FGF5: variants seen among roughly 807,000 people sequenced by gnomAD.
FGF5 encodes the protein heparin-binding growth factor 5.
FGF5 carries 23 observed loss-of-function variants against 21.8 expected under a neutral mutation model. The ratio of observed to expected loss-of-function variants is 1.05; its 90% CI spans 0.76 to 1.49. The LOEUF is 1.49. Ranked by LOEUF, FGF5 falls within the 40% of genes most tolerant of loss-of-function variation. The pLI is 0.00. For missense variants in FGF5, 352 were observed against 332.9 expected (o/e 1.06, Z -0.45); for synonymous variants, 158 against 124.0 (o/e 1.27, Z -1.82).
chr4:80,272,272 T>A (rs1345178927), intron 1 of FGF5, among the ~76,000 whole-genome samples: 1 of 152,216 alleles, frequency 6.6e-6, no homozygotes, highest in Admixed American at 6.5e-5. Context: ...AATCTTTTAA[T>A]TCTCAGGCAC....
At position 80,286,508 on chromosome 4, in the gene FGF5, T is replaced by C. The variant is rs1434316282; in HGVS notation, c.643T>C (p.Phe215Leu). ...TAAACCCCAGCATATCTCTACCCAT[T>C]TTCTGCCAAGATTCAAGCAGTCGGA... ...RVKPQHISTH[F>L]LPRFKQSEQP... The change falls in exon 3 of 3, where the codon TTT becomes CTT. Residue 215 changes from phenylalanine (F) to leucine (L), a missense_variant. Phe to Leu is a conservative substitution (Grantham distance 22, BLOSUM62 0). Transcript: ENST00000312465. 1.2e-6 allele frequency: 2 copies of C among 1,613,948 alleles called. No homozygotes were observed. The highest frequency in any genetic ancestry group is 1.3e-5 in the African/African-American group (1 of 74,990).
chr4:80,266,986 G>T lies in FGF5; in HGVS notation c.162G>T (p.Met54Ile). ...GCAGACAGAGCAGCAGTAGCGCTATGTCTTCCTCTTCTGCCTCCTCCTCCC... is the reference window on the plus strand; with the variant it reads ...GCAGACAGAGCAGCAGTAGCGCTATTTCTTCCTCTTCTGCCTCCTCCTCCC... ...SSSRQSSSSA[M>I]SSSSASSSPA... The change falls in exon 1 of 3, where the codon ATG becomes ATT. Residue 54 changes from methionine (M) to isoleucine (I), a missense_variant. Met to Ile is a conservative substitution (Grantham distance 10). Transcript: ENST00000312465. 6.2e-7 allele frequency: 1 copy of T among 1,614,222 alleles called. No individual in the cohort carries two copies.
intron 1 of FGF5, among the ~76,000 whole-genome samples, chr4:80,270,549 ATAAATCC>A (rs1407402579): frequency 6.6e-6 from 1 of 152,250 alleles, no homozygotes; most frequent in Non-Finnish European, 1.5e-5. Context: ...CTCATTGTAT[ATAAATCC>A]TTATTATGAG....
chr4:80,267,733 G>GTAGATAAATAGATAGA (rs113857771), intron 1 of FGF5, among the ~76,000 whole-genome samples: 2 of 150,952 alleles, frequency 1.3e-5, no homozygotes, highest in African/African-American at 4.9e-5. Flanking sequence ...ATACACATAG[G>GTAGATAAATAGATAGA]TAGATAGATA....
chr4:80,286,871 G>A lies in FGF5; in HGVS notation c.*199G>A. On this transcript the variant is annotated 3_prime_UTR_variant, in exon 3 of 3. Coordinates refer to ENST00000312465, the MANE Select transcript of FGF5 (RefSeq NM_004464.4). ...ACTGGAATTCTTTGTACTAATACAGGGAGCACACTCCTTCAGTTCAGCAAG... is the reference window on the plus strand; with the variant it reads ...ACTGGAATTCTTTGTACTAATACAGAGAGCACACTCCTTCAGTTCAGCAAG... The A allele has an allele frequency of 1.8e-6, 1 of 544,298 alleles. No individual in the cohort carries two copies. Among genetic ancestry groups the A allele is most frequent in the South Asian group, 2.8e-5 (1 of 35,654 alleles). The allele number at this position is 544,298 out of a possible 1,614,324, so 33.7% of individuals were successfully genotyped here.
intron 2 of FGF5, among the ~76,000 whole-genome samples, chr4:80,280,834 G>C (rs1404885116): frequency 3.3e-5 from 5 of 152,050 alleles, no homozygotes; most frequent in African/African-American, 1.2e-4. Context: ...ATGGGATGCT[G>C]GTTAATGATA....
intron 1 of FGF5, 49 bp downstream of exon 1, chr4:80,267,228 A>T (rs376607826): frequency 1.4e-6 from 2 of 1,449,530 alleles, no homozygotes; most frequent in Non-Finnish European, 1.9e-6. Flanking sequence ...GCCGCGGAAG[A>T]TTCGGGAGGG....
Position 80,288,068 on chromosome 4 carries a change from T to C in FGF5, c.*1396T>C, listed in dbSNP as rs1004256873. The C allele has an allele frequency of 1.3e-5, 2 of 152,186 alleles. No individual in the cohort carries two copies. The highest frequency in any genetic ancestry group is 4.8e-5 in the African/African-American group (2 of 41,452). 9.4% of individuals were successfully genotyped at this position (152,186 alleles called of 1,614,324 possible). On this transcript the variant is annotated 3_prime_UTR_variant, in exon 3 of 3. Transcript: ENST00000312465. ...TAAAGTTCTGCAAAATACACGTTTA[T>C]CTTACATTCAGAAATGTGGCAAAAA... is the stretch of plus-strand genomic sequence containing the variant.
chr4:80,286,787 T>C lies in FGF5; in HGVS notation c.*115T>C. 1 of 737,050 alleles carries C rather than the reference T, an allele frequency of 1.4e-6. No homozygotes were observed. The allele number at this position is 737,050 out of a possible 1,614,324, so 45.7% of individuals were successfully genotyped here. The stretch of plus-strand genomic sequence containing the variant: ...AGCTTCAGCTATACTTACACTGTAT[T>C]GAAGTCACGTCATTTGTTTCAATGT... On this transcript the variant is annotated 3_prime_UTR_variant, in exon 3 of 3. Transcript: ENST00000312465.
intron 2 of FGF5, among the ~76,000 whole-genome samples, chr4:80,277,418 ATTAGCACTT>A (rs1000865785): frequency 1.5e-4 from 23 of 152,258 alleles, no homozygotes; most frequent in African/African-American, 4.3e-4. Flanking sequence ...CTGAGCATTT[ATTAGCACTT>A]TTCCTCTAGG....
chr4:80,275,626 C>A (rs17466763), intron 2 of FGF5, among the ~76,000 whole-genome samples: 10,474 of 151,892 alleles, frequency 0.069, 407 homozygotes, highest in Non-Finnish European at 0.083. Flanking sequence ...TTATTCAGAC[C>A]AGTTTTATAT....
In FGF5 at chr4:80,274,387, A is replaced by G. The variant is rs536907516; in HGVS notation, c.356-522A>G. On this transcript the variant is annotated intron_variant, in intron 1 of 2. Transcript: ENST00000312465. ...TTTAAATGCAGTCACTAAAAGACTG[A>G]GTATGGTATATGTTTATTTGTAACT... Among the ~76,000 whole-genome samples, 122 of 152,198 alleles carry G rather than the reference A, an allele frequency of 8.0e-4. 1 individual carries two copies. The Middle Eastern group carries it at 0.035, about 43-fold the overall frequency.
chr4:80,285,922 A>G (rs1365240336), intron 2 of FGF5, among the ~76,000 whole-genome samples: 1 of 152,192 alleles, frequency 6.6e-6, no homozygotes, highest in Non-Finnish European at 1.5e-5. Flanking sequence ...TTACCAGGCA[A>G]TCATTTCTTA....
rs760393582 is a variant in FGF5 at position 80,274,970 on chromosome 4, C to T, written c.417C>T (p.Asn139=). The change falls in exon 2 of 3, where the codon AAC becomes AAT. Residue 139 remains asparagine (N), a synonymous_variant. Transcript: ENST00000312465. Reference sequence around the variant, plus strand: ...TAGGAATACGAGGAGTTTTCAGCAACAAATTTTTAGCGATGTCAAAAAAAG... The same window carrying T: ...TAGGAATACGAGGAGTTTTCAGCAATAAATTTTTAGCGATGTCAAAAAAAG... ...GIVGIRGVFS[N]KFLAMSKKGK... 1 of 1,598,386 alleles carries T rather than the reference C, an allele frequency of 6.3e-7. No homozygotes were observed. Among genetic ancestry groups the T allele is most frequent in the Middle Eastern group, 1.7e-4 (1 of 6,028 alleles).
intron 1 of FGF5, chr4:80,268,146 C>T (rs1012438204): frequency 6.6e-6 from 1 of 152,268 alleles, no homozygotes; most frequent in African/African-American, 2.4e-5. Context: ...TCCACCCCAT[C>T]TATGTTTCCA....
At chr4:80,285,857 A>T (rs1191017466) in intron 2 of FGF5, among the ~76,000 whole-genome samples, 1 of 152,194 alleles carries the variant, frequency 6.6e-6, no homozygotes, top group Non-Finnish European at 1.5e-5. Flanking sequence ...AAAAAATGCA[A>T]GCTTGTTTCA....
rs1017977286 is a variant in FGF5, at chr4:80,290,879, T to G, written c.*4207T>G. The G allele has an allele frequency of 6.6e-6, 1 of 152,234 alleles. No individual in the cohort carries two copies. The highest frequency in any genetic ancestry group is 1.5e-5 in the Non-Finnish European group (1 of 68,046). The allele number at this position is 152,234 out of a possible 1,614,324, so 9.4% of individuals were successfully genotyped here. On this transcript the variant is annotated 3_prime_UTR_variant, in exon 3 of 3. Coordinates refer to ENST00000312465, the MANE Select transcript of FGF5 (RefSeq NM_004464.4). ...CAAAGAACATGAACTCATCATTTTTTATGGCTGCATAGTATTCCATGGTGT... is the reference window on the plus strand; with the variant it reads ...CAAAGAACATGAACTCATCATTTTTGATGGCTGCATAGTATTCCATGGTGT...
At chr4:80,284,820 T>C (rs1005439257) in intron 2 of FGF5, among the ~76,000 whole-genome samples, 1 of 152,194 alleles carries the variant, frequency 6.6e-6, no homozygotes, top group Non-Finnish European at 1.5e-5. Flanking sequence ...AGTTTGGCAT[T>C]ATTAGAAAAA....
Position 80,266,697 on chromosome 4 carries a change from CT to C in FGF5, c.-127del, listed in dbSNP as rs1301216044. ...GGCCTCTCTCTTCCCCTCTCCCCTT[CT>C]CTTCCCCGAGGCTATGTCCACCCGG... On this transcript the variant is annotated 5_prime_UTR_variant, in exon 1 of 3. Transcript: ENST00000312465. 3.8e-6 allele frequency: 3 copies of C among 794,278 alleles called. No homozygotes were observed. The highest frequency in any genetic ancestry group is 1.7e-5 in the African/African-American group (1 of 57,796). 49.2% of individuals were successfully genotyped at this position (794,278 alleles called of 1,614,324 possible).
Sources: gnomAD v4.1 joint callset for allele counts (sites outside exome capture counted in the v4.1 genomes callset) on GRCh38, gnomAD v4.1.1 for gene constraint, MANE v1.5 for transcripts, NCBI Gene and HGNC (gene_info 2026-07-23, HGNC 2026-07-21) for gene names.